The following GOLPH3 variants were observed in gnomAD, a reference collection of about 807,000 sequenced individuals.
The protein encoded by GOLPH3 is coat protein GPP34.
In GOLPH3, 14 loss-of-function variants were observed where a neutral mutation model predicts 28.5. The ratio of observed to expected loss-of-function variants is 0.49; its 90% CI spans 0.32 to 0.77. The LOEUF (loss-of-function observed/expected upper bound fraction) is 0.77, where lower values mean the gene tolerates loss of function less well. Ranked by LOEUF, GOLPH3 falls within the 30% of genes least tolerant of loss-of-function variation. GOLPH3 has a pLI of 0.03. For missense variants in GOLPH3, 350 were observed against 393.7 expected, an observed-to-expected ratio of 0.89 and a Z score of 0.94; for synonymous variants, 158 against 159.2, an observed-to-expected ratio of 0.99 and a Z score of 0.06.
At chr5:32,168,043 G>GA (rs946576498) in intron 1 of GOLPH3, among the ~76,000 whole-genome samples, 3 of 151,964 alleles carry the variant, frequency 2.0e-5, no homozygotes, top group Admixed American at 6.6e-5. Flanking sequence ...TTAAACACCT[G>GA]AAAAAAATAG....
In GOLPH3 at chr5:32,126,633, T is replaced by G; in HGVS notation, c.476A>C (p.Glu159Ala). The G allele has an allele frequency of 6.2e-7, 1 of 1,605,864 alleles. No individual in the cohort carries two copies. Among genetic ancestry groups the G allele is most frequent in the Non-Finnish European group, 8.5e-7 (1 of 1,176,224 alleles). ...VQNWIELLSG[E>A]TWNPLKLHYQ... ...ATGCAATTTTAATGGATTCCATGTC[T>G]CACCTAAACAAAAGATTTCAGAAGT... Residue 159 changes from glutamate (E) to alanine (A), a missense_variant, in exon 4 of 4, where the codon GAG (glutamate) becomes GCG (alanine). By Grantham distance (107) the Glu-to-Ala change is moderately radical. Transcript: ENST00000265070.
chr5:32,162,396 G>A lies in GOLPH3; in HGVS notation c.225+11414C>T, dbSNP rs559418216. ...AGTCCCAGCTACTCAGGAGGCTGAG[G>A]CAGGAGAATGGCATGAACCCGGGAG... On this transcript the variant is annotated intron_variant, in intron 1 of 3. Coordinates refer to ENST00000265070, the MANE Select transcript of GOLPH3 (RefSeq NM_022130.4). Among the ~76,000 whole-genome samples, 4 of 151,660 alleles carry A rather than the reference G, an allele frequency of 2.6e-5. No homozygotes were observed. The South Asian group carries it at 8.3e-4, about 32-fold the overall frequency.
intron 1 of GOLPH3, among the ~76,000 whole-genome samples, chr5:32,163,128 G>T (rs1054495812): frequency 2.0e-5 from 3 of 152,116 alleles, no homozygotes; most frequent in Admixed American, 6.5e-5. Flanking sequence ...GAAAACTAAG[G>T]TTCTAAAATT....
intron 2 of GOLPH3, among the ~76,000 whole-genome samples, chr5:32,143,451 AAAT>A (rs145144363): frequency 0.046 from 6,948 of 151,818 alleles, 268 homozygotes; most frequent in African/African-American, 0.098. Context: ...GATCAATAAA[AAAT>A]AATAATAATA....
intron 2 of GOLPH3, among the ~76,000 whole-genome samples, chr5:32,141,950 G>A (rs532254772): frequency 1.4e-4 from 21 of 152,058 alleles, no homozygotes; most frequent in African/African-American, 2.7e-4. Context: ...ATCTCGGCTC[G>A]CTACAACCTC....
chr5:32,133,384 C>CA (rs1745866466), intron 3 of GOLPH3, among the ~76,000 whole-genome samples: 6 of 152,256 alleles, frequency 3.9e-5, no homozygotes, highest in Admixed American at 3.3e-4. Flanking sequence ...ACACATCTAA[C>CA]AAAAAAAGTC....
At chr5:32,143,295 C>G (rs1470421134) in intron 2 of GOLPH3, among the ~76,000 whole-genome samples, 4 of 151,192 alleles carry the variant, frequency 2.6e-5, no homozygotes, top group African/African-American at 9.7e-5. Context: ...TCTCAAGTAC[C>G]CAGGGACACA....
In GOLPH3 at chr5:32,173,797, G is replaced by C. The variant is rs1440037984; in HGVS notation, c.225+13C>G. 3 of 1,374,914 alleles carry C rather than the reference G, an allele frequency of 2.2e-6. No homozygotes were observed. Among genetic ancestry groups the C allele is most frequent in the Non-Finnish European group, 9.4e-7 (1 of 1,067,556 alleles). 85.2% of individuals were successfully genotyped at this position (1,374,914 alleles called of 1,614,324 possible). ...CGCGCCGCCGCCCCCCGCCCAGCCC[G>C]CCGCGCCCGCACCTCGCGGTCCTTG... On this transcript the variant is annotated intron_variant, in intron 1 of 3. Transcript: ENST00000265070.
intron 1 of GOLPH3, among the ~76,000 whole-genome samples, chr5:32,167,647 T>C (rs1746745772): frequency 6.6e-6 from 1 of 152,064 alleles, no homozygotes; most frequent in Non-Finnish European, 1.5e-5. Flanking sequence ...TATAAAATCT[T>C]GTTGAAAAGG....
rs940855014 is a variant in GOLPH3 at position 32,173,939 on chromosome 5, G to GCCGCCGC, written c.89_95dup (p.Ala33ArgfsTer53). 9.5e-6 allele frequency: 14 copies of GCCGCCGC among 1,469,784 alleles called. No homozygotes were observed. The highest frequency in any genetic ancestry group is 9.0e-6 in the Non-Finnish European group (10 of 1,116,328). The allele number at this position is 1,469,784 out of a possible 1,614,324, so 91.0% of individuals were successfully genotyped here. On this transcript the variant is annotated frameshift_variant, in exon 1 of 4. Transcript: ENST00000265070. LOFTEE classifies it high-confidence loss of function. ...GCGCGTCGTCCTCGCTGCTGCCGGC[G>GCCGCCGC]CCGCCGCCCGCCGCCCGCTCCTTGT... is the stretch of plus-strand genomic sequence containing the variant.
intron 3 of GOLPH3, chr5:32,134,970 T>C (rs1745901519): frequency 6.6e-6 from 1 of 152,316 alleles, no homozygotes; most frequent in African/African-American, 2.4e-5. Context: ...TCCTCCATGC[T>C]ATCAGCCAAA....
intron 1 of GOLPH3, among the ~76,000 whole-genome samples, chr5:32,152,501 G>A (rs1421597711): frequency 6.8e-6 from 1 of 146,456 alleles, no homozygotes; most frequent in Non-Finnish European, 1.5e-5. Flanking sequence ...CCAAAAGCTT[G>A]GCCGGGTGCA....
chr5:32,150,783 G>A (rs1015391479), intron 1 of GOLPH3, among the ~76,000 whole-genome samples: 4 of 152,044 alleles, frequency 2.6e-5, no homozygotes, highest in African/African-American at 9.7e-5. Flanking sequence ...TGCTGAAAAA[G>A]TTTTAGATAC....
intron 1 of GOLPH3, among the ~76,000 whole-genome samples, chr5:32,148,024 G>T (rs1356535051): frequency 1.3e-5 from 2 of 152,300 alleles, no homozygotes; most frequent in East Asian, 3.9e-4. Flanking sequence ...ATGGAATGGG[G>T]ATGGAGGACT....
At chr5:32,148,339 T>C (rs1746223555) in intron 1 of GOLPH3, among the ~76,000 whole-genome samples, 1 of 152,252 alleles carries the variant, frequency 6.6e-6, no homozygotes, top group African/African-American at 2.4e-5. Flanking sequence ...CTACGTTATA[T>C]GAATGTTCAG....
At chr5:32,135,524 C>A (rs1384470465) in intron 3 of GOLPH3, 48 bp downstream of exon 3, 1 of 1,153,134 alleles carries the variant, frequency 8.7e-7, no homozygotes, top group Admixed American at 1.8e-5. Context: ...TTAAACTTCG[C>A]AATCTTTTAA....
chr5:32,141,928 C>T (rs1459136684), intron 2 of GOLPH3, among the ~76,000 whole-genome samples: 10 of 151,878 alleles, frequency 6.6e-5, no homozygotes, highest in Non-Finnish European at 1.0e-4. Context: ...CAGGCTGGAG[C>T]GCAGTGGCGT....
At position 32,173,995 on chromosome 5, in the gene GOLPH3, G is replaced by C. The variant is rs1180136452; in HGVS notation, c.40C>G (p.Arg14Gly). ...LTQRSSGLVQ[R>G]RTEASRNAAD... ...GCGTTGCGGGAGGCCTCGGTGCGCC[G>C]CTGCACCAGGCCGGAGCTGCGCTGG... The change falls in exon 1 of 4, where the codon CGG (arginine) becomes GGG (glycine). Residue 14 changes from arginine to glycine, a missense_variant. By Grantham distance (125) the Arg-to-Gly change is moderately radical (BLOSUM62 -2). Transcript: ENST00000265070. 2.2e-6 allele frequency: 3 copies of C among 1,341,992 alleles called. No homozygotes were observed. The highest frequency in any genetic ancestry group is 2.8e-6 in the Non-Finnish European group (3 of 1,056,930). 83.1% of individuals were successfully genotyped at this position (1,341,992 alleles called of 1,614,324 possible).
intron 1 of GOLPH3, among the ~76,000 whole-genome samples, chr5:32,170,771 TAAA>T (rs917055918): frequency 1.3e-5 from 2 of 148,640 alleles, no homozygotes; most frequent in Non-Finnish European, 3.0e-5. Flanking sequence ...CTCCATCTCT[TAAA>T]AAAAAAAATT....
Sources: allele counts gnomAD v4.1 joint callset (sites outside exome capture counted in the v4.1 genomes callset), GRCh38; gene constraint gnomAD v4.1.1; transcripts MANE v1.5; gene names NCBI Gene and HGNC (gene_info 2026-07-23, HGNC 2026-07-21).